LHX8: variants seen among roughly 807,000 people sequenced by gnomAD.
LHX8 encodes LIM homeobox 8.
A neutral mutation model predicts 40.3 loss-of-function variants in LHX8; 12 were observed. The observed-to-expected ratio is 0.30, with a 90% CI of 0.19 to 0.48. LHX8 has a LOEUF of 0.48. LHX8 is among the 20% of genes least tolerant of loss of function. LHX8 has a pLI of 0.99. For missense variants in LHX8, 344 were observed against 433.7 expected (o/e 0.79, Z 1.84); for synonymous variants, 179 against 162.0 (o/e 1.10, Z -0.80).
downstream of LHX8, among the ~76,000 whole-genome samples, chr1:75,164,618 T>C (rs896774681): frequency 6.6e-6 from 1 of 152,148 alleles, no homozygotes; most frequent in African/African-American, 2.4e-5. Context: ...CCTGCCTAAA[T>C]TGGAGTTGAT....
the LHX8 span, among the ~76,000 whole-genome samples, chr1:75,169,805 G>T: frequency 2.0e-5 from 3 of 152,086 alleles, no homozygotes; most frequent in Non-Finnish European, 4.4e-5. Context: ...ATTGCCTTTC[G>T]TGGCCCTACT....
the LHX8 span, among the ~76,000 whole-genome samples, chr1:75,178,899 C>T: frequency 6.6e-6 from 1 of 152,296 alleles, no homozygotes; most frequent in African/African-American, 2.4e-5. Flanking sequence ...TTTCAAGTAA[C>T]ATCTTTATTT....
the LHX8 span, among the ~76,000 whole-genome samples, chr1:75,194,316 G>T: frequency 6.6e-6 from 1 of 152,180 alleles, no homozygotes; most frequent in South Asian, 2.1e-4. Flanking sequence ...ATCTGGTTAG[G>T]GAGATAGTGA....
rs1159683567 is a variant in LHX8, at chr1:75,134,685, A to G, written c.-282A>G. Among the ~76,000 whole-genome samples, 1 of 152,156 alleles carries G rather than the reference A, an allele frequency of 6.6e-6. No individual in the cohort carries two copies. Among genetic ancestry groups the G allele is most frequent in the Non-Finnish European group, 1.5e-5 (1 of 68,026 alleles). On this transcript the variant is annotated 5_prime_UTR_variant, in exon 1 of 9. Transcript: ENST00000356261. ...TAGCAAAGGACGTGCCGGAGCTGGC[A>G]GTTCCCCCTGAGAAGGTGAGCGAGC...
chr1:75,133,175 G>T (rs1178254084), upstream of LHX8: 1 of 152,194 alleles, frequency 6.6e-6, no homozygotes, highest in Non-Finnish European at 1.5e-5. Context: ...TAACTTGTGC[G>T]CAGCTGCGCG....
the LHX8 span, among the ~76,000 whole-genome samples, chr1:75,169,674 A>T: frequency 6.6e-6 from 1 of 152,218 alleles, no homozygotes; most frequent in Non-Finnish European, 1.5e-5. Context: ...TCACTGAGCC[A>T]TCCCAATGAA....
At chr1:75,191,987 A>C in the LHX8 span, among the ~76,000 whole-genome samples, 3 of 152,178 alleles carry the variant, frequency 2.0e-5, no homozygotes, top group African/African-American at 7.2e-5. Context: ...TCTTCTAAGA[A>C]GAAAAAAAAA....
the LHX8 span, among the ~76,000 whole-genome samples, chr1:75,177,689 T>G: frequency 6.6e-6 from 1 of 152,208 alleles, no homozygotes; most frequent in Non-Finnish European, 1.5e-5. Flanking sequence ...CTGATTGCCC[T>G]GGCCAGAACT....
At chr1:75,140,759 T>C (rs1333275004) in intron 3 of LHX8, among the ~76,000 whole-genome samples, 2 of 152,134 alleles carry the variant, frequency 1.3e-5, no homozygotes, top group African/African-American at 2.4e-5. Flanking sequence ...AAACACAAAA[T>C]GTGGCATATA....
intron 7 of LHX8, among the ~76,000 whole-genome samples, chr1:75,153,789 A>G (rs1570301846): frequency 6.6e-6 from 1 of 152,108 alleles, no homozygotes; most frequent in South Asian, 2.1e-4. Flanking sequence ...TTATTGTTTC[A>G]ATTATTTACG....
chr1:75,152,808 T>C (rs958805376), intron 7 of LHX8, among the ~76,000 whole-genome samples: 3 of 152,220 alleles, frequency 2.0e-5, no homozygotes, highest in African/African-American at 7.2e-5. Flanking sequence ...GTTACTCTTT[T>C]ACATCCTTTA....
upstream of LHX8, among the ~76,000 whole-genome samples, chr1:75,133,730 A>G (rs1348879129): frequency 6.6e-6 from 1 of 152,196 alleles, no homozygotes; most frequent in Non-Finnish European, 1.5e-5. Flanking sequence ...CCCCGCAGTC[A>G]GAACTTGAGG....
At chr1:75,158,034 G>C (rs1570306724) in intron 8 of LHX8, among the ~76,000 whole-genome samples, 1 of 152,302 alleles carries the variant, frequency 6.6e-6, no homozygotes, top group Admixed American at 6.5e-5. Flanking sequence ...CAGCAGCAAG[G>C]TTCAAGGTGC....
chr1:75,143,743 A>G (rs1220261712), intron 5 of LHX8, 102 bp from the exon 6 acceptor site: 2 of 851,552 alleles, frequency 2.3e-6, no homozygotes, highest in Admixed American at 1.9e-5. Context: ...TAGAAAACAT[A>G]TACAGTTACA....
At chr1:75,146,239 T>C (rs1648456282) in intron 6 of LHX8, among the ~76,000 whole-genome samples, 1 of 152,146 alleles carries the variant, frequency 6.6e-6, no homozygotes. Context: ...CAAGACTATC[T>C]AGTCAGTACC....
At chr1:75,140,842 A>G in intron 3 of LHX8, 143 bp from the exon 4 acceptor site, 1 of 830,064 alleles carries the variant, frequency 1.2e-6, no homozygotes, top group South Asian at 1.6e-5. Flanking sequence ...GACATCTTAA[A>G]AAAAAATGAC....
chr1:75,184,821 G>GTT, the LHX8 span, among the ~76,000 whole-genome samples: 16,507 of 140,398 alleles, frequency 0.12, 1,155 homozygotes, highest in Middle Eastern at 0.22. Flanking sequence ...TCCAGCAGCT[G>GTT]TTTTTTTTTT....
the LHX8 span, among the ~76,000 whole-genome samples, chr1:75,186,664 A>G: frequency 1.3e-5 from 2 of 152,140 alleles, no homozygotes; most frequent in African/African-American, 4.8e-5. Flanking sequence ...TTAATGACAC[A>G]GGAGAGGATG....
chr1:75,169,075 C>G, the LHX8 span, among the ~76,000 whole-genome samples: 6 of 152,016 alleles, frequency 3.9e-5, no homozygotes, highest in African/African-American at 1.4e-4. Flanking sequence ...AATGTAACAT[C>G]CTTTGTGGCC....
Sources: allele counts gnomAD v4.1 joint callset (sites outside exome capture counted in the v4.1 genomes callset), GRCh38; gene constraint gnomAD v4.1.1; transcripts MANE v1.5; gene names NCBI Gene and HGNC (gene_info 2026-07-23, HGNC 2026-07-21).